NLGN4X: variants seen among roughly 807,000 people sequenced by gnomAD.
NLGN4X encodes the protein neuroligin-4, X-linked.
In NLGN4X, 3 loss-of-function variants were observed where a neutral mutation model predicts 40.3. The observed-to-expected ratio is 0.07, with a 90% CI of 0.03 to 0.19. NLGN4X has a LOEUF of 0.19. NLGN4X is among the 10% of genes least tolerant of loss of function. The pLI is 1.00. For missense variants in NLGN4X, 382 were observed against 708.3 expected (o/e 0.54, Z 5.23); for synonymous variants, 270 against 306.8 (o/e 0.88, Z 1.25).
chrX:5,903,282 G>T lies in NLGN4X; in HGVS notation c.1396C>A (p.Pro466Thr). ...TGATAGAAGGCATAGAAGTAGGTGG[G>T]GGAGCCGTACTGCGCGTGCAGGTCG... Reference protein sequence around the residue: ...TADLHAQYGSPTYFYAFYHHC... With the variant: ...TADLHAQYGSTTYFYAFYHHC... Residue 466 changes from proline (P) to threonine (T), a missense_variant, in exon 5 of 6, where the codon CCC (proline) becomes ACC (threonine). By Grantham distance (38) the Pro-to-Thr change is conservative. Coordinates refer to ENST00000381095, the MANE Select transcript of NLGN4X (RefSeq NM_181332.3). The T allele has an allele frequency of 8.3e-7, 1 of 1,211,786 alleles. No individual in the cohort carries two copies. Among genetic ancestry groups the T allele is most frequent in the Non-Finnish European group, 1.1e-6 (1 of 895,474 alleles).
chrX:6,157,544 TG>T (rs200986437), intron 1 of NLGN4X, among the ~76,000 whole-genome samples: 1,433 of 111,430 alleles, frequency 0.013, 7 homozygotes, highest in Non-Finnish European at 0.021. Flanking sequence ...TATCATAGCT[TG>T]GGGGGCTTAT....
Position 6,054,661 on chromosome X carries a change from T to G in NLGN4X, c.473-25229A>C, listed in dbSNP as rs760387469. 1.1e-4 allele frequency among the ~76,000 whole-genome samples: 12 copies of G among 110,547 alleles called. No homozygotes were observed. The South Asian group carries it at 4.3e-3, about 40-fold the overall frequency. Reference sequence around the variant, plus strand: ...ATAAAATCAACAGTCAAAGGGGAATTAATTTTTTTTTGAGATGGAGTTTTT... The same window carrying G: ...ATAAAATCAACAGTCAAAGGGGAATGAATTTTTTTTTGAGATGGAGTTTTT... On this transcript the variant is annotated intron_variant, in intron 2 of 5. Transcript: ENST00000381095.
intron 3 of NLGN4X, among the ~76,000 whole-genome samples, chrX:5,911,771 A>G (rs1416541399): frequency 8.9e-6 from 1 of 112,359 alleles, no homozygotes; most frequent in East Asian, 2.8e-4. Flanking sequence ...TAGTCAGACA[A>G]TTATGACAGT....
At chrX:5,969,877 C>T (rs958669902) in intron 3 of NLGN4X, among the ~76,000 whole-genome samples, 1 of 109,749 alleles carries the variant, frequency 9.1e-6, no homozygotes, top group African/African-American at 3.3e-5. Context: ...TTTGTAGGGA[C>T]ATGGATGAAG....
intron 2 of NLGN4X, among the ~76,000 whole-genome samples, chrX:6,058,598 AACTT>A (rs2037692904): frequency 8.9e-6 from 1 of 112,113 alleles, no homozygotes; most frequent in African/African-American, 3.2e-5. Flanking sequence ...AAGAGTTAAC[AACTT>A]ACTTAACAAC....
intron 1 of NLGN4X, among the ~76,000 whole-genome samples, chrX:6,154,415 AT>A (rs1404619750): frequency 9.0e-6 from 1 of 111,178 alleles, no homozygotes; most frequent in Admixed American, 9.8e-5. Flanking sequence ...AAATGTTGAT[AT>A]TGAAGATATC....
At chrX:6,034,787 C>G (rs970490765) in intron 2 of NLGN4X, among the ~76,000 whole-genome samples, 1 of 109,787 alleles carries the variant, frequency 9.1e-6, no homozygotes, top group African/African-American at 3.3e-5. Flanking sequence ...CGGCTCACGA[C>G]AACCTCCACC....
chrX:5,912,332 T>C (rs1042095850), intron 3 of NLGN4X, among the ~76,000 whole-genome samples: 1 of 111,246 alleles, frequency 9.0e-6, no homozygotes, highest in African/African-American at 3.3e-5. Flanking sequence ...ACCCCTATCA[T>C]TGCATCCTCA....
At chrX:6,088,000 T>C in intron 2 of NLGN4X, among the ~76,000 whole-genome samples, 1 of 110,927 alleles carries the variant, frequency 9.0e-6, no homozygotes, top group Non-Finnish European at 1.9e-5. Context: ...GAATGTGCCA[T>C]TCTCATCTAC....
chrX:6,081,818 G>C (rs1012850769), intron 2 of NLGN4X, among the ~76,000 whole-genome samples: 1 of 112,311 alleles, frequency 8.9e-6, no homozygotes, highest in African/African-American at 3.2e-5. Context: ...GAATAAAATT[G>C]CAAGGTTATA....
At chrX:6,010,280 G>A (rs1489534033) in intron 3 of NLGN4X, among the ~76,000 whole-genome samples, 2 of 109,114 alleles carry the variant, frequency 1.8e-5, no homozygotes, top group Non-Finnish European at 3.8e-5. Flanking sequence ...CATGAATTTG[G>A]GGGTGGGAGT....
At chrX:6,207,719 T>C (rs370610596) in intron 1 of NLGN4X, among the ~76,000 whole-genome samples, 3 of 112,212 alleles carry the variant, frequency 2.7e-5, no homozygotes, top group East Asian at 5.6e-4. Flanking sequence ...GTGCTTCAAA[T>C]GAAATGAGGC....
At chrX:5,944,541 G>T (rs1286843795) in intron 3 of NLGN4X, among the ~76,000 whole-genome samples, 1 of 108,202 alleles carries the variant, frequency 9.2e-6, no homozygotes, top group Non-Finnish European at 1.9e-5. Flanking sequence ...CCAGCACTTT[G>T]GGAGGCCAAG....
chrX:6,025,853 G>A (rs1311870601), intron 3 of NLGN4X, among the ~76,000 whole-genome samples: 2 of 105,653 alleles, frequency 1.9e-5, no homozygotes, highest in Non-Finnish European at 3.9e-5. Flanking sequence ...GCAGTGAGCC[G>A]AGATCATGCC....
chrX:5,921,955 C>T (rs766367497), intron 3 of NLGN4X, among the ~76,000 whole-genome samples: 1 of 111,356 alleles, frequency 9.0e-6, no homozygotes, highest in African/African-American at 3.3e-5. Context: ...GTTAATATCA[C>T]AGGCGAAGCT....
chrX:5,901,295 A>G (rs1182966820), intron 5 of NLGN4X, among the ~76,000 whole-genome samples: 3 of 112,204 alleles, frequency 2.7e-5, no homozygotes, highest in Non-Finnish European at 3.8e-5. Flanking sequence ...CATGTGTGGC[A>G]GGGCCACTGC....
At chrX:6,120,917 C>T (rs1278815347) in intron 2 of NLGN4X, among the ~76,000 whole-genome samples, 2 of 111,837 alleles carry the variant, frequency 1.8e-5, no homozygotes, top group Non-Finnish European at 3.8e-5. Flanking sequence ...GAGAGTAGAA[C>T]TGACCCTGCA....
chrX:5,906,280 G>A (rs1175245708), intron 4 of NLGN4X, among the ~76,000 whole-genome samples: 1 of 111,580 alleles, frequency 9.0e-6, no homozygotes, highest in Non-Finnish European at 1.9e-5. Flanking sequence ...ACAAATATGA[G>A]CCTTTCCTCT....
intron 3 of NLGN4X, among the ~76,000 whole-genome samples, chrX:6,016,238 G>A (rs906842136): frequency 8.9e-6 from 1 of 111,902 alleles, no homozygotes; most frequent in Non-Finnish European, 1.9e-5. Flanking sequence ...TGTAAGACAC[G>A]CAGAACAACC....
Sources: allele counts gnomAD v4.1 joint callset (sites outside exome capture counted in the v4.1 genomes callset), GRCh38; gene constraint gnomAD v4.1.1; transcripts MANE v1.5; gene names NCBI Gene and HGNC (gene_info 2026-07-23, HGNC 2026-07-21).